EPHA4: variants seen among roughly 807,000 people sequenced by gnomAD.
The protein encoded by EPHA4 is EPH receptor A4.
Under a neutral mutation model 108.3 loss-of-function variants are expected in EPHA4, and 19 were observed. The ratio of observed to expected loss-of-function variants is 0.18; its 90% CI spans 0.12 to 0.26. The LOEUF (loss-of-function observed/expected upper bound fraction) is 0.26. Ranked by LOEUF, EPHA4 falls within the 10% of genes least tolerant of loss-of-function variation. The pLI is 1.00. For missense variants in EPHA4, 917 were observed against 1,254.0 expected, an observed-to-expected ratio of 0.73 and a Z score of 4.06; for synonymous variants, 449 against 455.5, an observed-to-expected ratio of 0.99 and a Z score of 0.18.
chr2:221,499,197 G>A (rs200017658), intron 4 of EPHA4, among the ~76,000 whole-genome samples: 1 of 146,530 alleles, frequency 6.8e-6, no homozygotes, highest in African/African-American at 2.5e-5. Flanking sequence ...CTCTATAATA[G>A]AATAATATAA....
At chr2:221,547,584 C>A (rs1269593939) in intron 3 of EPHA4, among the ~76,000 whole-genome samples, 1 of 152,206 alleles carries the variant, frequency 6.6e-6, no homozygotes, top group Non-Finnish European at 1.5e-5. Flanking sequence ...TTCAAAATAA[C>A]ACAAGGGCCA....
rs138160840 is a variant in EPHA4, at chr2:221,514,200, T to A, written c.824-13028A>T. Among the ~76,000 whole-genome samples, 834 of 151,864 alleles carry A rather than the reference T, an allele frequency of 5.5e-3. 8 individuals are homozygous for A. The highest frequency in any genetic ancestry group is 0.019 in the African/African-American group (798 of 41,386). On this transcript the variant is annotated intron_variant, in intron 3 of 17. Transcript: ENST00000281821. ...GCAGCCGAAATACACAGTGTGACAG[T>A]GGAAGGTCCTCTGCACCCAGTTTGA...
At chr2:221,443,996 A>G (rs1690511940) in intron 9 of EPHA4, among the ~76,000 whole-genome samples, 1 of 152,232 alleles carries the variant, frequency 6.6e-6, no homozygotes, top group Non-Finnish European at 1.5e-5. Flanking sequence ...AAATAGAAGC[A>G]TTTTAATTTC....
intron 4 of EPHA4, among the ~76,000 whole-genome samples, chr2:221,493,965 A>C (rs1291702611): frequency 6.6e-6 from 1 of 152,230 alleles, no homozygotes; most frequent in Non-Finnish European, 1.5e-5. Context: ...GTATCAATCA[A>C]TCACTCTTTG....
rs58143142 is a variant in EPHA4 at position 221,483,500 on chromosome 2, TTGTG to T, written c.980-814_980-811del. On this transcript the variant is annotated intron_variant, in intron 4 of 17. Coordinates refer to ENST00000281821, the MANE Select transcript of EPHA4 (RefSeq NM_004438.5). The stretch of plus-strand genomic sequence containing the variant: ...GAAACTCTTGTTTCTTGATGTAGAT[TTGTG>T]TGTGTGTGTGTGTGTGTGTGTGTGT... Among the ~76,000 whole-genome samples the T allele has an allele frequency of 7.4e-3, 1,067 of 143,736 alleles. 11 individuals carry two copies. The highest frequency in any genetic ancestry group is 0.02 in the Admixed American group (288 of 14,460). 94.3% of individuals were successfully genotyped at this position (143,736 alleles called of 152,430 possible). A position where few individuals can be genotyped will look rare whatever the true frequency, so the allele number is the denominator to read the frequency against.
intron 16 of EPHA4, 85 bp downstream of exon 16, chr2:221,426,379 A>T: frequency 2.0e-6 from 3 of 1,463,768 alleles, no homozygotes; most frequent in African/African-American, 1.4e-5. Flanking sequence ...TTAAATGAGT[A>T]GGATGATTAC....
At chr2:221,504,406 C>T (rs1692571436) in intron 3 of EPHA4, among the ~76,000 whole-genome samples, 1 of 152,028 alleles carries the variant, frequency 6.6e-6, no homozygotes, top group African/African-American at 2.4e-5. Flanking sequence ...GGCTCACCCA[C>T]TACCATAACA....
chr2:221,468,985 G>C (rs188139502), intron 5 of EPHA4, among the ~76,000 whole-genome samples: 1 of 152,326 alleles, frequency 6.6e-6, no homozygotes, highest in Admixed American at 6.5e-5. Flanking sequence ...GAAAAAGTCA[G>C]TGGATGAACC....
chr2:221,543,052 A>G (rs1373964204), intron 3 of EPHA4, among the ~76,000 whole-genome samples: 1 of 152,202 alleles, frequency 6.6e-6, no homozygotes, highest in Non-Finnish European at 1.5e-5. Context: ...CAAGCTCAGG[A>G]AGCATGTGTC....
intron 2 of EPHA4, among the ~76,000 whole-genome samples, chr2:221,566,409 A>G (rs1026667748): frequency 1.4e-4 from 22 of 152,142 alleles, no homozygotes; most frequent in Admixed American, 3.9e-4. Context: ...AAGACAATCA[A>G]TCCATTCCTC....
At chr2:221,532,622 G>A (rs1693553376) in intron 3 of EPHA4, 1 of 152,230 alleles carries the variant, frequency 6.6e-6, no homozygotes, top group South Asian at 2.1e-4. Flanking sequence ...AGACCAGAGT[G>A]AAAGTCAATG....
At chr2:221,473,591 G>A (rs1374832385) in intron 5 of EPHA4, among the ~76,000 whole-genome samples, 2 of 146,216 alleles carry the variant, frequency 1.4e-5, no homozygotes, top group African/African-American at 5.1e-5. Context: ...AAAGACATCA[G>A]CAGGGGGTTA....
chr2:221,546,981 A>G (rs1694016997), intron 3 of EPHA4, among the ~76,000 whole-genome samples: 5 of 152,214 alleles, frequency 3.3e-5, no homozygotes, highest in Admixed American at 3.3e-4. Context: ...TGTGGCTATC[A>G]TAATTCAGGA....
At chr2:221,461,118 T>C (rs1691124056) in intron 5 of EPHA4, among the ~76,000 whole-genome samples, 1 of 152,210 alleles carries the variant, frequency 6.6e-6, no homozygotes, top group African/African-American at 2.4e-5. Context: ...ACAAAGGATA[T>C]ATGGGCACCC....
intron 3 of EPHA4, chr2:221,502,698 G>A: frequency 2.4e-6 from 1 of 418,546 alleles, no homozygotes; most frequent in South Asian, 1.7e-5. Flanking sequence ...CTCTTGTAAT[G>A]GCAAGCGGAA....
At chr2:221,459,670 G>A (rs2106120337) in intron 5 of EPHA4, among the ~76,000 whole-genome samples, 2 of 152,204 alleles carry the variant, frequency 1.3e-5, no homozygotes, top group South Asian at 2.1e-4. Context: ...TATAGAGGTA[G>A]CAAGGAGGCT....
At position 221,566,917 on chromosome 2, in the gene EPHA4, AAGG is replaced by A. The variant is rs1418960816; in HGVS notation, c.159+1798_159+1800del. 2.2e-3 allele frequency among the ~76,000 whole-genome samples: 112 copies of A among 51,764 alleles called. 6 individuals carry two copies. Among genetic ancestry groups the A allele is most frequent in the Non-Finnish European group, 2.9e-3 (84 of 28,846 alleles). The allele number at this position is 51,764 out of a possible 152,430, so 34.0% of individuals were successfully genotyped here. The stretch of plus-strand genomic sequence containing the variant: ...GAAGGAGAAGGAGAAGGAGAAGGAG[AAGG>A]AGAAGGAGAAGGAGAAGGAGAAGGA... On this transcript the variant is annotated intron_variant, in intron 2 of 17. Coordinates refer to ENST00000281821, the MANE Select transcript of EPHA4 (RefSeq NM_004438.5).
intron 3 of EPHA4, among the ~76,000 whole-genome samples, chr2:221,548,151 G>A (rs535893985): frequency 6.6e-6 from 1 of 152,254 alleles, no homozygotes; most frequent in Non-Finnish European, 1.5e-5. Flanking sequence ...GGTGATGACT[G>A]AGTTCTCCCT....
chr2:221,421,416 G>A (rs892173531), intron 17 of EPHA4, among the ~76,000 whole-genome samples: 5 of 152,200 alleles, frequency 3.3e-5, no homozygotes, highest in Admixed American at 6.5e-5. Flanking sequence ...CTAACATGGC[G>A]AAAGAGCCAT....
Sources: allele counts gnomAD v4.1 joint callset (sites outside exome capture counted in the v4.1 genomes callset), GRCh38; gene constraint gnomAD v4.1.1; transcripts MANE v1.5; gene names NCBI Gene and HGNC (gene_info 2026-07-23, HGNC 2026-07-21).